Variants in PTBP2 observed in about 807,000 individuals in gnomAD.
The protein encoded by PTBP2 is polypyrimidine tract binding protein 2.
A neutral mutation model predicts 61.4 loss-of-function variants in PTBP2; 13 were observed. The observed-to-expected ratio is 0.21, with a 90% confidence interval of 0.14 to 0.34. The LOEUF (loss-of-function observed/expected upper bound fraction) is 0.34, where lower values mean the gene tolerates loss of function less well. PTBP2 is among the 10% of genes least tolerant of loss of function. PTBP2 has a pLI of 1.00. For missense variants in PTBP2, 405 were observed against 642.6 expected (o/e 0.63, Z 4.00); for synonymous variants, 215 against 218.5 (o/e 0.98, Z 0.14).
rs1416973103 is a variant in PTBP2, at chr1:96,793,030, A to G, written c.904+7776A>G. On this transcript the variant is annotated intron_variant, in intron 8 of 13. Coordinates refer to ENST00000674951, the MANE Select transcript of PTBP2 (RefSeq NM_021190.4). ...TGAATGCCATAGTAACACCAAACTAAAAAATACATGTAAATTAAAAATTAA... is the reference window on the plus strand; with the variant it reads ...TGAATGCCATAGTAACACCAAACTAGAAAATACATGTAAATTAAAAATTAA... 2.0e-5 allele frequency among the ~76,000 whole-genome samples: 3 copies of G among 152,180 alleles called. No individual in the cohort carries two copies. The East Asian group carries it at 5.8e-4, about 29-fold the overall frequency.
intron 3 of PTBP2, among the ~76,000 whole-genome samples, chr1:96,753,535 A>G (rs1045484000): frequency 3.9e-5 from 6 of 152,064 alleles, no homozygotes; most frequent in African/African-American, 1.4e-4. Context: ...CTTCCATAAT[A>G]TCTAGTATAC....
At chr1:96,771,216 A>G (rs190531628) in intron 5 of PTBP2, 2 of 154,636 alleles carry the variant, frequency 1.3e-5, no homozygotes, top group East Asian at 3.8e-4. Flanking sequence ...CTTACGGAAA[A>G]TTTTTTTTTG....
chr1:96,815,802 C>T (rs1298037010), downstream of PTBP2: 1 of 152,066 alleles, frequency 6.6e-6, no homozygotes, highest in Non-Finnish European at 1.5e-5. Flanking sequence ...AGTCAACAGT[C>T]TGGGATGATT....
downstream of PTBP2, chr1:96,816,920 C>T (rs188170907): frequency 2.9e-3 from 441 of 152,152 alleles, 2 homozygotes; most frequent in African/African-American, 0.01. Context: ...CTTCATTATC[C>T]ACAATACATG....
chr1:96,744,526 TG>T (rs1363425908), intron 2 of PTBP2, among the ~76,000 whole-genome samples: 1 of 152,172 alleles, frequency 6.6e-6, no homozygotes, highest in Non-Finnish European at 1.5e-5. Flanking sequence ...TCTTATGTCT[TG>T]ATCAGTGAAG....
At chr1:96,753,254 C>T (rs1214628382) in intron 3 of PTBP2, among the ~76,000 whole-genome samples, 1 of 152,072 alleles carries the variant, frequency 6.6e-6, no homozygotes, top group African/African-American at 2.4e-5. Flanking sequence ...CATTGGAGTT[C>T]TGAGAAGTCA....
intron 11 of PTBP2, among the ~76,000 whole-genome samples, chr1:96,808,556 A>G (rs1240688092): frequency 6.6e-6 from 1 of 152,130 alleles, no homozygotes; most frequent in Non-Finnish European, 1.5e-5. Context: ...GGGGGTTAGG[A>G]CTTCAACATA....
chr1:96,811,421 T>A (rs571012141), intron 11 of PTBP2, among the ~76,000 whole-genome samples: 8 of 152,192 alleles, frequency 5.3e-5, no homozygotes, highest in African/African-American at 1.9e-4. Flanking sequence ...TTTTGTTGGT[T>A]TTTGTTTTTG....
chr1:96,772,986 G>A (rs1236290796), intron 5 of PTBP2, among the ~76,000 whole-genome samples: 1 of 151,608 alleles, frequency 6.6e-6, no homozygotes, highest in African/African-American at 2.4e-5. Flanking sequence ...AGCCAGGCAT[G>A]GTGCCAGGTG....
intron 2 of PTBP2, among the ~76,000 whole-genome samples, chr1:96,735,534 GGTT>G (rs1237361811): frequency 6.6e-6 from 1 of 152,068 alleles, no homozygotes; most frequent in Admixed American, 6.6e-5. Context: ...GGATGAGAAT[GGTT>G]GTTGTTGTAG....
Position 96,785,200 on chromosome 1 carries a change from C to T in PTBP2, c.850C>T (p.Pro284Ser), listed in dbSNP as rs200517500. 3.0e-5 allele frequency: 49 copies of T among 1,609,870 alleles called. No homozygotes were observed. Among genetic ancestry groups the T allele is most frequent in the Non-Finnish European group, 3.7e-5 (44 of 1,178,416 alleles). The change falls in exon 8 of 14, where the codon CCT becomes TCT. Residue 284 changes from proline (P) to serine (S), a missense_variant. This residue lies in a region of PTBP2 where 342 missense variants were observed against 491.2 expected (regional missense o/e 0.70). Coordinates refer to ENST00000674951, the MANE Select transcript of PTBP2 (RefSeq NM_021190.4). ...TGATCTTCCATCTGGGGATGGACAACCTGCATTGGACCCAGCTATTGCTGC... is the reference window on the plus strand; with the variant it reads ...TGATCTTCCATCTGGGGATGGACAATCTGCATTGGACCCAGCTATTGCTGC... ...RPDLPSGDGQ[P>S]ALDPAIAAAF...
intron 2 of PTBP2, among the ~76,000 whole-genome samples, chr1:96,745,173 C>CTT (rs35356252): frequency 2.7e-4 from 39 of 146,932 alleles, no homozygotes; most frequent in Non-Finnish European, 4.5e-4. Flanking sequence ...AGCAATATTG[C>CTT]TTTTTTTTTT....
At chr1:96,733,004 C>T (rs11165712) in intron 2 of PTBP2, among the ~76,000 whole-genome samples, 44,049 of 150,724 alleles carry the variant, frequency 0.29, 7,216 homozygotes, top group East Asian at 0.47. Context: ...TAGCTCATTA[C>T]TCTGCTTTCT....
Position 96,762,713 on chromosome 1 carries a change from C to T in PTBP2, c.116-6990C>T, listed in dbSNP as rs578244406. Among the ~76,000 whole-genome samples the T allele has an allele frequency of 1.3e-3, 191 of 147,348 alleles. 1 individual carries two copies. The Middle Eastern group carries it at 0.05, about 39-fold the overall frequency. ...CTCCTGGATGGGGCGGCTGGCCTGG[C>T]GGGGGCTGACCCCCACCTCCCTCCC... On this transcript the variant is annotated intron_variant, in intron 3 of 13. Transcript: ENST00000674951.
At chr1:96,736,757 G>A (rs1344505778) in intron 2 of PTBP2, among the ~76,000 whole-genome samples, 1 of 151,632 alleles carries the variant, frequency 6.6e-6, no homozygotes, top group East Asian at 1.9e-4. Context: ...GATCATGGCA[G>A]CCTCAACCTC....
rs575560569 is a variant in PTBP2 at position 96,725,273 on chromosome 1, G to A, written c.39+1679G>A. On this transcript the variant is annotated intron_variant, in intron 2 of 13. Transcript: ENST00000674951. The stretch of plus-strand genomic sequence containing the variant: ...AAACTGAGGAGACTTGGAATAGGAT[G>A]TCCAGGTGTAATGTATTGGTTACAC... Among the ~76,000 whole-genome samples the A allele has an allele frequency of 2.6e-5, 4 of 151,410 alleles. No individual in the cohort carries two copies. In the South Asian group the frequency reaches 6.3e-4, roughly 24 times the overall value.
At chr1:96,791,837 T>TTTTTTTTTGTTTTTTTTTG (rs1557759271) in intron 8 of PTBP2, among the ~76,000 whole-genome samples, 6 of 136,902 alleles carry the variant, frequency 4.4e-5, no homozygotes, top group African/African-American at 1.7e-4. Context: ...TTTTTTTTTT[T>TTTTTTTTTGTTTTTTTTTG]TTTTTTTTTT....
intron 2 of PTBP2, among the ~76,000 whole-genome samples, chr1:96,741,360 T>C (rs768295755): frequency 6.6e-6 from 1 of 152,074 alleles, no homozygotes; most frequent in South Asian, 2.1e-4. Flanking sequence ...TCCCAGGCTC[T>C]AGCAATTCTC....
At chr1:96,779,744 T>A (rs1047872469) in intron 7 of PTBP2, among the ~76,000 whole-genome samples, 1 of 152,124 alleles carries the variant, frequency 6.6e-6, no homozygotes, top group Non-Finnish European at 1.5e-5. Context: ...ATTTGTTTCC[T>A]AAACTTGCTT....
Sources: allele counts gnomAD v4.1 joint callset (sites outside exome capture counted in the v4.1 genomes callset), GRCh38; gene constraint gnomAD v4.1.1; regional missense constraint gnomAD v4.1.1; transcripts MANE v1.5; gene names NCBI Gene and HGNC (gene_info 2026-07-23, HGNC 2026-07-21).